IRAG1: variants seen among roughly 807,000 people sequenced by gnomAD.
The protein encoded by IRAG1 is inositol 1,4,5-triphosphate receptor associated 1.
IRAG1 carries 62 observed loss-of-function variants against 106.2 expected under a neutral mutation model. The observed-to-expected ratio is 0.58, with a 90% confidence interval of 0.48 to 0.72. The LOEUF (loss-of-function observed/expected upper bound fraction) is 0.72, where lower values mean the gene tolerates loss of function less well. Ranked by LOEUF, IRAG1 falls within the 30% of genes least tolerant of loss-of-function variation. The pLI is 0.00. For synonymous variants in IRAG1, 462 were observed against 443.9 expected (o/e 1.04, Z -0.51); for missense variants, 1,064 against 1,140.7 (o/e 0.93, Z 0.97).
intron 16 of IRAG1, chr11:10,593,914 G>T: frequency 1.7e-6 from 1 of 580,916 alleles, no homozygotes. Context: ...GCAATATGAA[G>T]GCTTATGATC....
intron 20 of IRAG1, among the ~76,000 whole-genome samples, chr11:10,579,715 T>C (rs1474413475): frequency 6.6e-6 from 1 of 152,138 alleles, no homozygotes; most frequent in African/African-American, 2.4e-5. Context: ...ATTCCTATAA[T>C]ACTTCATTGC....
chr11:10,606,777 G>A lies in IRAG1; in HGVS notation c.1572-5C>T. ...TTTTCAGTGAGTGGAGGGGCACTGT[G>A]AAAAAGAAAACACACAATTGAACTG... On this transcript the variant is annotated splice_polypyrimidine_tract_variant and splice_region_variant and intron_variant, in intron 11 of 20. Coordinates refer to ENST00000423302, the MANE Select transcript of IRAG1 (RefSeq NM_130385.4). 1 of 1,582,354 alleles carries A rather than the reference G, an allele frequency of 6.3e-7. No individual in the cohort carries two copies. Among genetic ancestry groups the A allele is most frequent in the Non-Finnish European group, 8.6e-7 (1 of 1,163,134 alleles).
At chr11:10,670,599 C>T (rs922133899) in intron 1 of IRAG1, among the ~76,000 whole-genome samples, 1 of 152,154 alleles carries the variant, frequency 6.6e-6, no homozygotes, top group South Asian at 2.1e-4. Flanking sequence ...CTTAATTGTG[C>T]CCCCCAATAC....
At chr11:10,624,248 T>A (rs1856058297) in intron 9 of IRAG1, among the ~76,000 whole-genome samples, 1 of 151,990 alleles carries the variant, frequency 6.6e-6, no homozygotes, top group African/African-American at 2.4e-5. Context: ...GCGCTGCTCC[T>A]GGAAACAGCT....
At position 10,628,727 on chromosome 11, in the gene IRAG1, A is replaced by G; in HGVS notation, c.652+24T>C. The stretch of plus-strand genomic sequence containing the variant: ...ACCCAGAGCGAGAGGCAGGGCAGGA[A>G]GTCCCCGGGCAGCTGGGCCTCACCT... On this transcript the variant is annotated intron_variant, in intron 6 of 20. Coordinates refer to ENST00000423302, the MANE Select transcript of IRAG1 (RefSeq NM_130385.4). This position sits in a 1 kb window ranked among gnomAD's most constrained non-coding sequence, Gnocchi z 4.1. The G allele has an allele frequency of 6.6e-7, 1 of 1,510,444 alleles. No individual in the cohort carries two copies. Among genetic ancestry groups the G allele is most frequent in the Non-Finnish European group, 8.8e-7 (1 of 1,132,792 alleles). The allele number at this position is 1,510,444 out of a possible 1,614,324, so 93.6% of individuals were successfully genotyped here.
chr11:10,678,946 C>T (rs1341176115), intron 1 of IRAG1, among the ~76,000 whole-genome samples: 1 of 152,186 alleles, frequency 6.6e-6, no homozygotes, highest in Non-Finnish European at 1.5e-5. Context: ...TCTAAATTTC[C>T]TCCCTGTTCT....
At chr11:10,666,190 G>A (rs1040870318) in intron 1 of IRAG1, among the ~76,000 whole-genome samples, 1 of 152,190 alleles carries the variant, frequency 6.6e-6, no homozygotes, top group African/African-American at 2.4e-5. Flanking sequence ...GGCATTAGCA[G>A]GAGAGAAACT....
At chr11:10,684,942 G>C (rs1214799516) in intron 1 of IRAG1, among the ~76,000 whole-genome samples, 1 of 152,168 alleles carries the variant, frequency 6.6e-6, no homozygotes, top group Non-Finnish European at 1.5e-5. Flanking sequence ...AGAAAGGCTT[G>C]TCCAAACTTC....
At position 10,593,586 on chromosome 11, in the gene IRAG1, C is replaced by T. The variant is rs749632707; in HGVS notation, c.2081G>A (p.Arg694Gln). The change falls in exon 17 of 21, where the codon CGG becomes CAG. Residue 694 changes from arginine to glutamine, a missense_variant. Transcript: ENST00000423302. ...SLTLGKNMPR[R>Q]RVSVAVVPKF... ...AGGAACCACAGCAACGCTGACCCTC[C>T]GGCGAGGCATATTCTGCAGGAAGAG... The T allele has an allele frequency of 6.2e-6, 10 of 1,613,456 alleles. No individual in the cohort carries two copies. The highest frequency in any genetic ancestry group is 2.7e-5 in the African/African-American group (2 of 74,892).
intron 1 of IRAG1, among the ~76,000 whole-genome samples, chr11:10,670,067 A>T (rs1874443): frequency 6.6e-5 from 10 of 152,062 alleles, no homozygotes; most frequent in Non-Finnish European, 1.0e-4. Context: ...GACATAACCA[A>T]TTGAGATCAG....
chr11:10,587,343 A>T (rs1852125296), intron 18 of IRAG1, among the ~76,000 whole-genome samples: 1 of 152,152 alleles, frequency 6.6e-6, no homozygotes, highest in African/African-American at 2.4e-5. Context: ...GGGCTCAGCA[A>T]TATTTCCAAG....
chr11:10,584,548 A>AATATATATATAT (rs56768282), intron 18 of IRAG1, among the ~76,000 whole-genome samples: 1,002 of 98,438 alleles, frequency 0.01, 19 homozygotes, highest in Admixed American at 0.016. Flanking sequence ...TCTTTCATGA[A>AATATATATATAT]ATATATATAT....
chr11:10,690,276 G>T, intron 1 of IRAG1: 1 of 621,856 alleles, frequency 1.6e-6, no homozygotes, highest in Non-Finnish European at 2.4e-6. Context: ...TGTAATCCCA[G>T]CTACTTGGGA....
chr11:10,690,662 C>T (rs1437900951), intron 1 of IRAG1, among the ~76,000 whole-genome samples: 1 of 152,164 alleles, frequency 6.6e-6, no homozygotes, highest in Non-Finnish European at 1.5e-5. Flanking sequence ...ACCTAAGTTA[C>T]TAACTAGCGG....
At position 10,580,531 on chromosome 11, in the gene IRAG1, C is replaced by T. The variant is rs531394235; in HGVS notation, c.2419G>A (p.Glu807Lys). The change falls in exon 20 of 21, where the codon GAA becomes AAA. Residue 807 changes from glutamate (E) to lysine (K), a missense_variant. Coordinates refer to ENST00000423302, the MANE Select transcript of IRAG1 (RefSeq NM_130385.4). ...TCCTCAGGACTCTCACTCTTCTGTT[C>T]TTCCTCCTCCTCCTTCAGGTCTTGA... Reference protein sequence around the residue: ...ELQDLKEEEEEQKSESPEEPE... With the variant: ...ELQDLKEEEEKQKSESPEEPE... 21 of 1,613,848 alleles carry T rather than the reference C, an allele frequency of 1.3e-5. No homozygotes were observed. In the South Asian group the frequency reaches 2.0e-4, roughly 15 times the overall value.
intron 20 of IRAG1, among the ~76,000 whole-genome samples, chr11:10,578,972 T>C (rs939207568): frequency 1.8e-4 from 28 of 152,282 alleles, no homozygotes; most frequent in African/African-American, 6.5e-4. Context: ...CTTGACTGCA[T>C]TAAAGGGGAG....
At chr11:10,617,531 G>A (rs931509301) in intron 10 of IRAG1, among the ~76,000 whole-genome samples, 1 of 152,184 alleles carries the variant, frequency 6.6e-6, no homozygotes, top group East Asian at 1.9e-4. Flanking sequence ...ATTTTCTGGA[G>A]AAACTGAAGC....
At chr11:10,638,997 C>G (rs975404741) in intron 2 of IRAG1, among the ~76,000 whole-genome samples, 1 of 152,232 alleles carries the variant, frequency 6.6e-6, no homozygotes, top group Admixed American at 6.5e-5. Context: ...TCTTGGCTCA[C>G]TGCAACCTCC....
chr11:10,629,070 G>T (rs1023961861), intron 5 of IRAG1, among the ~76,000 whole-genome samples: 1 of 152,072 alleles, frequency 6.6e-6, no homozygotes, highest in South Asian at 2.1e-4. Flanking sequence ...TTCTCAGCCT[G>T]CCTGGCCTGA....
Sources: allele counts gnomAD v4.1 joint callset (sites outside exome capture counted in the v4.1 genomes callset), GRCh38; gene constraint gnomAD v4.1.1; non-coding constraint Gnocchi (gnomAD v3.1); transcripts MANE v1.5; gene names NCBI Gene and HGNC (gene_info 2026-07-23, HGNC 2026-07-21).